EML1: variants seen among roughly 807,000 people sequenced by gnomAD.
The protein encoded by EML1 is EMAP like 1, also known as echinoderm microtubule-associated protein-like 1.
In EML1, 27 loss-of-function variants were observed where a neutral mutation model predicts 110.4. The ratio of observed to expected loss-of-function variants is 0.24; its 90% CI spans 0.18 to 0.34. EML1 has a LOEUF of 0.34. Ranked by LOEUF, EML1 falls within the 10% of genes least tolerant of loss-of-function variation. The probability of loss-of-function intolerance (pLI) is 1.00; values close to 1 mark genes in which losing one functional copy is unlikely to be tolerated. For missense variants in EML1, 741 were observed against 1,030.9 expected, an observed-to-expected ratio of 0.72 and a Z score of 3.85; for synonymous variants, 344 against 385.8, an observed-to-expected ratio of 0.89 and a Z score of 1.27.
intron 4 of EML1, among the ~76,000 whole-genome samples, chr14:99,879,753 T>C (rs1205678224): frequency 1.3e-5 from 2 of 152,208 alleles, no homozygotes; most frequent in Non-Finnish European, 2.9e-5. Context: ...TGATAATACC[T>C]TGGAAATGAG....
At chr14:99,768,350 C>T (rs927807883), upstream of EML1, among the ~76,000 whole-genome samples, 3 of 152,114 alleles carry the variant, frequency 2.0e-5, no homozygotes, top group Non-Finnish European at 2.9e-5. Flanking sequence ...GAGGGTCTCA[C>T]GGAGCCGCTG....
At chr14:99,879,454 G>A (rs1361034211) in intron 4 of EML1, among the ~76,000 whole-genome samples, 1 of 151,448 alleles carries the variant, frequency 6.6e-6, no homozygotes, top group Non-Finnish European at 1.5e-5. Context: ...TTTCCCAAAT[G>A]TTCATGTAAG....
chr14:99,882,914 G>C (rs879490388), intron 4 of EML1, among the ~76,000 whole-genome samples: 8 of 152,116 alleles, frequency 5.3e-5, no homozygotes, highest in Non-Finnish European at 1.0e-4. Flanking sequence ...CCCGGGATCA[G>C]ACAGCCCCGT....
At chr14:99,914,790 G>C (rs1237397124) in intron 15 of EML1, 93 bp downstream of exon 15, 1 of 1,467,512 alleles carries the variant, frequency 6.8e-7, no homozygotes, top group African/African-American at 1.4e-5. Flanking sequence ...GTGATACAAA[G>C]TTGTCCCAAA....
intron 1 of EML1, among the ~76,000 whole-genome samples, chr14:99,844,963 G>T (rs1484128149): frequency 2.0e-5 from 3 of 152,294 alleles, no homozygotes; most frequent in Admixed American, 2.0e-4. Flanking sequence ...TATCAAGTCT[G>T]AACAGAGCCA....
At chr14:99,923,301 GT>G (rs2140091352) in intron 17 of EML1, among the ~76,000 whole-genome samples, 1 of 152,290 alleles carries the variant, frequency 6.6e-6, no homozygotes, top group South Asian at 2.1e-4. Flanking sequence ...ATGAAGTTCA[GT>G]TTATCAATTT....
chr14:99,768,133 T>TC (rs2057385837), upstream of EML1, among the ~76,000 whole-genome samples: 1 of 152,146 alleles, frequency 6.6e-6, no homozygotes, highest in South Asian at 2.1e-4. Context: ...GGAGAAGTGA[T>TC]CCCACACGAA....
At chr14:99,839,585 A>G (rs941766999) in intron 1 of EML1, among the ~76,000 whole-genome samples, 1 of 152,100 alleles carries the variant, frequency 6.6e-6, no homozygotes, top group African/African-American at 2.4e-5. Flanking sequence ...CCATTATCCA[A>G]CCTAAGGCTT....
At chr14:99,779,595 T>G (rs192437582) in intron 1 of EML1, among the ~76,000 whole-genome samples, 86 of 152,290 alleles carry the variant, frequency 5.6e-4, no homozygotes, top group Admixed American at 3.5e-3. Context: ...GAACTTCACT[T>G]TATTTCCCAA....
chr14:99,761,715 A>C (rs1393576858), intron 1 of EML1, among the ~76,000 whole-genome samples: 1 of 152,130 alleles, frequency 6.6e-6, no homozygotes, highest in African/African-American at 2.4e-5. Flanking sequence ...ACTTGAGGTC[A>C]GGAGTTCAAG....
At chr14:99,799,401 G>T (rs2139679377) in intron 1 of EML1, among the ~76,000 whole-genome samples, 2 of 152,270 alleles carry the variant, frequency 1.3e-5, no homozygotes, top group Admixed American at 1.3e-4. Flanking sequence ...CAAGTAGTTG[G>T]ATTTAAAAGG....
At position 99,942,007 on chromosome 14, in the gene EML1, A is replaced by G. The variant is rs1436737869; in HGVS notation, c.*1895A>G. On this transcript the variant is annotated 3_prime_UTR_variant, in exon 22 of 22. Coordinates refer to ENST00000262233, the MANE Select transcript of EML1 (RefSeq NM_004434.3). ...TATGTAAACTACTATTGCTCTCTTT[A>G]TAATGATTAATCACTTTATTATGAA... The G allele has an allele frequency of 6.6e-6, 1 of 152,242 alleles. No homozygotes were observed. The highest frequency in any genetic ancestry group is 1.5e-5 in the Non-Finnish European group (1 of 68,036). The allele number at this position is 152,242 out of a possible 1,614,324, so 9.4% of individuals were successfully genotyped here.
intron 1 of EML1, among the ~76,000 whole-genome samples, chr14:99,775,191 T>C (rs2057468827): frequency 6.6e-6 from 1 of 152,206 alleles, no homozygotes; most frequent in Non-Finnish European, 1.5e-5. Context: ...GCCTATGTCT[T>C]CAAGTCAAAT....
chr14:99,914,988 G>A (rs2060009176), intron 15 of EML1: 1 of 412,980 alleles, frequency 2.4e-6, no homozygotes, highest in African/African-American at 2.1e-5. Context: ...ACCATCCTAA[G>A]AGCTGAAAAA....
chr14:99,874,372 T>G (rs1370861152), intron 3 of EML1, among the ~76,000 whole-genome samples: 1 of 152,222 alleles, frequency 6.6e-6, no homozygotes, highest in Non-Finnish European at 1.5e-5. Flanking sequence ...AAAAAATACT[T>G]GCCTTAAGCA....
Position 99,914,235 on chromosome 14 carries a change from C to G in EML1, c.1551C>G (p.Ile517Met). 1 of 1,614,016 alleles carries G rather than the reference C, an allele frequency of 6.2e-7. No homozygotes were observed. The highest frequency in any genetic ancestry group is 8.5e-7 in the Non-Finnish European group (1 of 1,179,926). The change falls in exon 14 of 22, where the codon ATC becomes ATG. Residue 517 changes from isoleucine to methionine, a missense_variant. By Grantham distance (10) the Ile-to-Met change is conservative. Around this residue, in one of 4 missense-constraint regions of EML1, gnomAD observed 388 missense variants for 605.6 expected, o/e 0.64. Transcript: ENST00000262233. ...RTVAEGKGDV[I>M]LIGTTRNFVL... ...TGGCCGAGGGGAAAGGCGATGTGATCTTGATTGGCACAACTCGAAACTTTG... is the reference window on the plus strand; with the variant it reads ...TGGCCGAGGGGAAAGGCGATGTGATGTTGATTGGCACAACTCGAAACTTTG...
intron 1 of EML1, among the ~76,000 whole-genome samples, chr14:99,844,688 T>C (rs575482079): frequency 1.3e-5 from 2 of 152,300 alleles, no homozygotes; most frequent in African/African-American, 4.8e-5. Context: ...TTGTGCAGTG[T>C]CCCCAACCCA....
At chr14:99,832,950 G>A (rs549666068) in intron 1 of EML1, among the ~76,000 whole-genome samples, 1 of 152,178 alleles carries the variant, frequency 6.6e-6, no homozygotes, top group Admixed American at 6.5e-5. Context: ...TCTTACATGG[G>A]TGTATTTCAT....
At chr14:99,903,521 C>T (rs2059793439) in intron 9 of EML1, among the ~76,000 whole-genome samples, 2 of 152,152 alleles carry the variant, frequency 1.3e-5, no homozygotes, top group Non-Finnish European at 2.9e-5. Context: ...AATTTGGTTA[C>T]TCCTGGAGCA....
Sources: gnomAD v4.1 joint callset for allele counts (sites outside exome capture counted in the v4.1 genomes callset) on GRCh38, gnomAD v4.1.1 for gene constraint, gnomAD v4.1.1 regional missense constraint, MANE v1.5 for transcripts, NCBI Gene and HGNC (gene_info 2026-07-23, HGNC 2026-07-21) for gene names.